Variants in GTF2A1L observed in about 807,000 individuals in gnomAD.
The protein encoded by GTF2A1L is TFIIA-alpha and beta-like factor.
A neutral mutation model predicts 49.7 loss-of-function variants in GTF2A1L; 48 were observed. The observed-to-expected ratio is 0.97, with a 90% CI of 0.77 to 1.23. The LOEUF (loss-of-function observed/expected upper bound fraction) is 1.23. GTF2A1L is among the 50% of genes most tolerant of loss of function. The pLI, the probability that GTF2A1L is intolerant of heterozygous loss-of-function variation, is 0.00. For synonymous variants in GTF2A1L, 246 were observed against 193.5 expected, an observed-to-expected ratio of 1.27 and a Z score of -2.25; for missense variants, 736 against 564.8, an observed-to-expected ratio of 1.30 and a Z score of -3.07.
At chr2:48,618,209 TA>T (rs1212169573) in intron 1 of GTF2A1L, 1 of 341,298 alleles carries the variant, frequency 2.9e-6, no homozygotes, top group African/African-American at 2.1e-5. Flanking sequence ...TCCTAGATAC[TA>T]GAAAACCTCC....
At chr2:48,633,603 G>A (rs920974095) in intron 3 of GTF2A1L, among the ~76,000 whole-genome samples, 1 of 152,200 alleles carries the variant, frequency 6.6e-6, no homozygotes, top group African/African-American at 2.4e-5. Context: ...GATGAGAAAA[G>A]TATTGTTCTA....
intron 8 of GTF2A1L, among the ~76,000 whole-genome samples, chr2:48,678,643 G>T (rs190343567): frequency 6.6e-6 from 1 of 151,998 alleles, no homozygotes; most frequent in African/African-American, 2.4e-5. Flanking sequence ...TATTGTGTCT[G>T]TGTCTAGGCT....
rs70946819 is a variant in GTF2A1L at position 48,653,920 on chromosome 2, CAA to C, written c.978+6900_978+6901del. Among the ~76,000 whole-genome samples the C allele has an allele frequency of 6.5e-3, 706 of 108,552 alleles. 3 individuals carry two copies. Among genetic ancestry groups the C allele is most frequent in the African/African-American group, 0.027 (683 of 24,898 alleles). The allele number at this position is 108,552 out of a possible 152,430, so 71.2% of individuals were successfully genotyped here. A position where few individuals can be genotyped will look rare whatever the true frequency, so the allele number is the denominator to read the frequency against. On this transcript the variant is annotated intron_variant, in intron 6 of 8. Transcript: ENST00000403751. ...TGGGAGACAGAGTGAGACTGTGTCT[CAA>C]AAAAAAAAAAAAAAAAAAAAAGAAA...
chr2:48,678,528 G>C lies in GTF2A1L; in HGVS notation c.1330-807G>C, dbSNP rs1679593699. Among the ~76,000 whole-genome samples the C allele has an allele frequency of 2.6e-5, 4 of 152,034 alleles. 1 individual carries two copies. The highest frequency in any genetic ancestry group is 2.6e-4 in the Admixed American group (4 of 15,242). On this transcript the variant is annotated intron_variant, in intron 8 of 8. Coordinates refer to ENST00000403751, the MANE Select transcript of GTF2A1L (RefSeq NM_006872.5). Reference sequence around the variant, plus strand: ...GGTTTAAATTTTACTCTTGATCTCAGATCATATATTCCTAGGGCTTTTAAA... The same window carrying C: ...GGTTTAAATTTTACTCTTGATCTCACATCATATATTCCTAGGGCTTTTAAA...
chr2:48,632,393 T>G (rs1676629007), intron 3 of GTF2A1L: 1 of 150,046 alleles, frequency 6.7e-6, no homozygotes, highest in South Asian at 2.1e-4. Context: ...AGTTTTTTGT[T>G]TTTTTTTTTT....
chr2:48,623,349 T>A (rs1342031896), intron 3 of GTF2A1L, among the ~76,000 whole-genome samples: 1 of 152,234 alleles, frequency 6.6e-6, no homozygotes, highest in Non-Finnish European at 1.5e-5. Context: ...ATCTTAAAAC[T>A]TGTTTGCTCA....
intron 3 of GTF2A1L, among the ~76,000 whole-genome samples, chr2:48,623,224 A>G (rs1676109308): frequency 6.6e-6 from 1 of 152,184 alleles, no homozygotes; most frequent in African/African-American, 2.4e-5. Flanking sequence ...TTCTCATGGT[A>G]TGCTTTTAAA....
chr2:48,622,451 A>G (rs1335935245), intron 3 of GTF2A1L, among the ~76,000 whole-genome samples: 1 of 152,052 alleles, frequency 6.6e-6, no homozygotes, highest in African/African-American at 2.4e-5. Flanking sequence ...TTTAAATAAC[A>G]TTCCTTTGGA....
At chr2:48,664,805 G>T (rs1388636182) in intron 6 of GTF2A1L, among the ~76,000 whole-genome samples, 1 of 152,066 alleles carries the variant, frequency 6.6e-6, no homozygotes, top group African/African-American at 2.4e-5. Flanking sequence ...TTATTTTAAT[G>T]CCTCTAGGAT....
chr2:48,651,524 G>T (rs1677846779), intron 6 of GTF2A1L, among the ~76,000 whole-genome samples: 1 of 151,022 alleles, frequency 6.6e-6, no homozygotes, highest in South Asian at 2.1e-4. Flanking sequence ...TATACCATTG[G>T]AGCTCCTGAG....
chr2:48,662,313 A>G (rs1351144258), intron 6 of GTF2A1L, among the ~76,000 whole-genome samples: 3 of 152,168 alleles, frequency 2.0e-5, no homozygotes, highest in Non-Finnish European at 4.4e-5. Context: ...GTTAACACTG[A>G]TTTATGTATT....
intron 6 of GTF2A1L, among the ~76,000 whole-genome samples, chr2:48,662,121 A>T (rs1399996848): frequency 6.6e-6 from 1 of 152,202 alleles, no homozygotes. Flanking sequence ...TTAATCAGAT[A>T]GTCACTTAAA....
At chr2:48,622,082 G>A (rs1443710475) in intron 3 of GTF2A1L, among the ~76,000 whole-genome samples, 2 of 152,158 alleles carry the variant, frequency 1.3e-5, no homozygotes, top group African/African-American at 4.8e-5. Flanking sequence ...GTAGATTTTG[G>A]ATTGGATTAT....
intron 6 of GTF2A1L, among the ~76,000 whole-genome samples, chr2:48,660,289 T>C (rs1390054063): frequency 6.6e-6 from 1 of 152,192 alleles, no homozygotes; most frequent in Non-Finnish European, 1.5e-5. Flanking sequence ...AATGCTGGCC[T>C]CATAAAATAA....
chr2:48,632,020 T>A (rs1205043077), intron 3 of GTF2A1L, among the ~76,000 whole-genome samples: 2 of 152,224 alleles, frequency 1.3e-5, no homozygotes, highest in Admixed American at 1.3e-4. Context: ...TGTTTTTTGC[T>A]TCCAACTGTT....
chr2:48,624,081 A>G (rs149004533), intron 3 of GTF2A1L, among the ~76,000 whole-genome samples: 1 of 145,822 alleles, frequency 6.9e-6, no homozygotes, highest in East Asian at 1.9e-4. Flanking sequence ...GCTCTATCAT[A>G]TGTTCTTCGT....
intron 1 of GTF2A1L, among the ~76,000 whole-genome samples, chr2:48,620,072 T>G (rs1350296848): frequency 6.6e-6 from 1 of 152,238 alleles, no homozygotes; most frequent in African/African-American, 2.4e-5. Context: ...ACCCCAGTTT[T>G]CTGGCTTGGA....
intron 3 of GTF2A1L, among the ~76,000 whole-genome samples, chr2:48,637,637 A>T (rs1676975741): frequency 6.6e-6 from 1 of 152,168 alleles, no homozygotes; most frequent in South Asian, 2.1e-4. Context: ...AGCTGAACTG[A>T]AGGAAATCAG....
At chr2:48,633,631 A>G (rs1676710364) in intron 3 of GTF2A1L, among the ~76,000 whole-genome samples, 1 of 152,190 alleles carries the variant, frequency 6.6e-6, no homozygotes, top group Non-Finnish European at 1.5e-5. Context: ...TGGGTGGAGT[A>G]TTCTGTAGAT....
Sources: gnomAD v4.1 joint callset for allele counts (sites outside exome capture counted in the v4.1 genomes callset) on GRCh38, gnomAD v4.1.1 for gene constraint, MANE v1.5 for transcripts, NCBI Gene and HGNC (gene_info 2026-07-23, HGNC 2026-07-21) for gene names.